Variants in CTNNA2 observed in about 807,000 individuals in gnomAD.
The protein encoded by CTNNA2 is catenin alpha 2, also known as catenin alpha-2.
Under a neutral mutation model 101.0 loss-of-function variants are expected in CTNNA2, and 42 were observed. That is an observed-to-expected ratio of 0.42 (90% CI 0.32 to 0.54). The LOEUF (loss-of-function observed/expected upper bound fraction) is 0.54, where lower values mean the gene tolerates loss of function less well. Among genes scored for constraint, CTNNA2 ranks in the 20% least tolerant of loss-of-function variants. The pLI, the probability that CTNNA2 is intolerant of heterozygous loss-of-function variation, is 0.14. For missense variants in CTNNA2, 871 were observed against 1,223.1 expected, an observed-to-expected ratio of 0.71 and a Z score of 4.29; for synonymous variants, 450 against 456.4, an observed-to-expected ratio of 0.99 and a Z score of 0.18.
intron 7 of CTNNA2, among the ~76,000 whole-genome samples, chr2:80,326,978 C>G (rs1033029720): frequency 6.6e-6 from 1 of 152,132 alleles, no homozygotes; most frequent in African/African-American, 2.4e-5. Context: ...GTTTCTCTCT[C>G]TAGGTGTGTT....
At chr2:79,987,414 C>T (rs1691845538) in intron 7 of CTNNA2, among the ~76,000 whole-genome samples, 1 of 152,192 alleles carries the variant, frequency 6.6e-6, no homozygotes, top group South Asian at 2.1e-4. Flanking sequence ...TCAAGTCCCA[C>T]CTGTGCCTCC....
intron 2 of CTNNA2, among the ~76,000 whole-genome samples, chr2:79,311,621 G>T (rs1573064770): frequency 6.6e-6 from 1 of 151,974 alleles, no homozygotes; most frequent in African/African-American, 2.4e-5. Context: ...TCAATTCAGA[G>T]TTGACCCTTT....
chr2:80,579,826 A>G (rs1416655474), intron 13 of CTNNA2, among the ~76,000 whole-genome samples: 1 of 152,216 alleles, frequency 6.6e-6, no homozygotes, highest in Non-Finnish European at 1.5e-5. Flanking sequence ...ACACCTGATT[A>G]ATTACACTGT....
chr2:80,038,029 C>T (rs1488221379), intron 7 of CTNNA2, among the ~76,000 whole-genome samples: 1 of 150,208 alleles, frequency 6.7e-6, no homozygotes, highest in Non-Finnish European at 1.5e-5. Flanking sequence ...TGTCCTATGA[C>T]ATTGACTTTT....
At position 80,338,296 on chromosome 2, in the gene CTNNA2, C is replaced by CTTTTTTTTT. The variant is rs201060579; in HGVS notation, c.1057-54910_1057-54909insTTTTTTTTT. 4.9e-4 allele frequency among the ~76,000 whole-genome samples: 62 copies of CTTTTTTTTT among 125,568 alleles called. 2 individuals carry two copies. Among genetic ancestry groups the CTTTTTTTTT allele is most frequent in the Middle Eastern group, 4.2e-3 (1 of 240 alleles). The allele number at this position is 125,568 out of a possible 152,430, so 82.4% of individuals were successfully genotyped here. ...GAGCCTCTGCACCTGGCCTTTTTTTCTTTTTCTTTTTTTTTTTTTTTCACT... is the reference window on the plus strand; with the variant it reads ...GAGCCTCTGCACCTGGCCTTTTTTTCTTTTTTTTTTTTTTCTTTTTTTTTTTTTTTCACT... On this transcript the variant is annotated intron_variant, in intron 7 of 18. Coordinates refer to ENST00000402739, the MANE Select transcript of CTNNA2 (RefSeq NM_001282597.3).
intron 18 of CTNNA2, among the ~76,000 whole-genome samples, chr2:80,625,371 TGTGCTCTG>T (rs1671576623): frequency 6.6e-6 from 1 of 151,964 alleles, no homozygotes; most frequent in Non-Finnish European, 1.5e-5. Context: ...TTTTTTCAAT[TGTGCTCTG>T]GAGGAAATAC....
At chr2:79,893,990 TTTC>T (rs60336887) in intron 6 of CTNNA2, among the ~76,000 whole-genome samples, 5,304 of 114,646 alleles carry the variant, frequency 0.046, 86 homozygotes, top group Middle Eastern at 0.072. Flanking sequence ...CTTAGGCTGT[TTTC>T]TTCTTCTTCT....
At chr2:80,076,498 G>GGCAA (rs1698761531) in intron 7 of CTNNA2, among the ~76,000 whole-genome samples, 1 of 151,530 alleles carries the variant, frequency 6.6e-6, no homozygotes, top group African/African-American at 2.4e-5. Context: ...GCCCAGGCTG[G>GGCAA]TCTCGCATTC....
chr2:79,984,281 T>G (rs1478657740), intron 7 of CTNNA2, among the ~76,000 whole-genome samples: 1 of 152,158 alleles, frequency 6.6e-6, no homozygotes. Flanking sequence ...AGAAAGGATT[T>G]TTTTCCCCAC....
At chr2:80,257,605 G>T (rs1445334683) in intron 7 of CTNNA2, among the ~76,000 whole-genome samples, 4 of 152,216 alleles carry the variant, frequency 2.6e-5, no homozygotes, top group Admixed American at 6.5e-5. Flanking sequence ...GATCTCCAAG[G>T]AGAGTTCCAA....
intron 3 of CTNNA2, among the ~76,000 whole-genome samples, chr2:79,829,422 A>ACACAC (rs1553376366): frequency 3.6e-4 from 45 of 123,950 alleles, no homozygotes; most frequent in East Asian, 2.4e-3. Flanking sequence ...CACAGACACA[A>ACACAC]AGCCGGGCGA....
chr2:79,257,530 T>C (rs968871332), intron 2 of CTNNA2, among the ~76,000 whole-genome samples: 1 of 147,696 alleles, frequency 6.8e-6, no homozygotes, highest in African/African-American at 2.5e-5. Context: ...GGGAAAGTGG[T>C]ACTTAAATAA....
intron 7 of CTNNA2, among the ~76,000 whole-genome samples, chr2:79,978,222 C>T (rs1163730588): frequency 2.0e-5 from 3 of 151,994 alleles, no homozygotes; most frequent in South Asian, 2.1e-4. Flanking sequence ...ACATTTTGAC[C>T]GTATATTTGT....
At chr2:79,603,900 A>G (rs1304863914) in intron 1 of CTNNA2, among the ~76,000 whole-genome samples, 2 of 152,172 alleles carry the variant, frequency 1.3e-5, no homozygotes, top group Middle Eastern at 3.2e-3. Context: ...TGCAACTGGC[A>G]TTGGTTAAAT....
chr2:80,134,090 A>G (rs1467186037), intron 7 of CTNNA2, among the ~76,000 whole-genome samples: 3 of 152,186 alleles, frequency 2.0e-5, no homozygotes, highest in Non-Finnish European at 4.4e-5. Context: ...GATTGTTGGG[A>G]AAATTAACCC....
intron 4 of CTNNA2, among the ~76,000 whole-genome samples, chr2:79,393,036 C>G (rs1678192222): frequency 6.6e-6 from 1 of 152,142 alleles, no homozygotes; most frequent in Non-Finnish European, 1.5e-5. Context: ...GAGTTTTGAA[C>G]TACAGCAGGG....
chr2:79,820,496 G>A (rs867573080), intron 3 of CTNNA2, among the ~76,000 whole-genome samples: 3 of 152,242 alleles, frequency 2.0e-5, no homozygotes, highest in South Asian at 4.1e-4. Flanking sequence ...AATGTCTTTC[G>A]ATTTACTCAT....
intron 7 of CTNNA2, among the ~76,000 whole-genome samples, chr2:79,978,204 C>T (rs1021080233): frequency 7.2e-5 from 11 of 152,104 alleles, no homozygotes; most frequent in Non-Finnish European, 1.3e-4. Context: ...CTAAGACATT[C>T]GGGCCATACA....
intron 4 of CTNNA2, among the ~76,000 whole-genome samples, chr2:79,502,159 C>A (rs1323016437): frequency 6.6e-6 from 1 of 151,778 alleles, no homozygotes; most frequent in Non-Finnish European, 1.5e-5. Flanking sequence ...GACTTAAATA[C>A]AAAAAGTTAT....
Sources: allele counts gnomAD v4.1 joint callset (sites outside exome capture counted in the v4.1 genomes callset), GRCh38; gene constraint gnomAD v4.1.1; transcripts MANE v1.5; gene names NCBI Gene and HGNC (gene_info 2026-07-23, HGNC 2026-07-21).